The following CEP63 variants were observed in gnomAD, a reference collection of about 807,000 sequenced individuals.
CEP63 encodes centrosomal protein 63, also known as centrosomal protein of 63 kDa.
CEP63 carries 84 observed loss-of-function variants against 89.1 expected under a neutral mutation model. The observed-to-expected ratio is 0.94, with a 90% confidence interval of 0.79 to 1.13. CEP63 has a LOEUF of 1.13. Among genes scored for constraint, CEP63 ranks in the 50% most tolerant of loss-of-function variants. The pLI is 0.00. For missense variants in CEP63, 838 were observed against 813.3 expected, an observed-to-expected ratio of 1.03 and a Z score of -0.37; for synonymous variants, 267 against 272.5, an observed-to-expected ratio of 0.98 and a Z score of 0.20.
At chr3:134,757,801 G>T in the CEP63 span, among the ~76,000 whole-genome samples, 1 of 152,166 alleles carries the variant, frequency 6.6e-6, no homozygotes, top group African/African-American at 2.4e-5. Flanking sequence ...TGGTGCTAAA[G>T]CCATAGGAGT....
chr3:134,705,206 G>T, the CEP63 span, among the ~76,000 whole-genome samples: 254 of 152,308 alleles, frequency 1.7e-3, no homozygotes, highest in African/African-American at 5.9e-3. Flanking sequence ...AGTTCTGTGG[G>T]CTGGGAATTT....
chr3:134,643,550 CTG>C, the CEP63 span, among the ~76,000 whole-genome samples: 1 of 152,216 alleles, frequency 6.6e-6, no homozygotes, highest in Non-Finnish European at 1.5e-5. Flanking sequence ...CAGCACGACA[CTG>C]TGCATGGAGA....
At chr3:134,614,804 C>G in the CEP63 span, among the ~76,000 whole-genome samples, 5 of 152,114 alleles carry the variant, frequency 3.3e-5, no homozygotes, top group Non-Finnish European at 7.4e-5. Context: ...CAAGGCCAGG[C>G]CCCAACAGCT....
the CEP63 span, chr3:134,627,939 G>A: frequency 1.3e-6 from 1 of 758,286 alleles, no homozygotes; most frequent in East Asian, 2.6e-5. Context: ...CCTTTTCACA[G>A]TCTCCTTGTT....
chr3:134,560,061 A>G (rs1382440187), intron 14 of CEP63, among the ~76,000 whole-genome samples: 2 of 152,346 alleles, frequency 1.3e-5, no homozygotes, highest in Middle Eastern at 3.4e-3. Flanking sequence ...TTAATGTGCT[A>G]CCAAGTCCAT....
chr3:134,711,437 G>C, the CEP63 span, among the ~76,000 whole-genome samples: 2 of 152,082 alleles, frequency 1.3e-5, no homozygotes, highest in East Asian at 1.9e-4. Flanking sequence ...ACTTGTGACT[G>C]TCATCCTGTG....
At chr3:134,616,026 G>A in the CEP63 span, among the ~76,000 whole-genome samples, 7 of 152,370 alleles carry the variant, frequency 4.6e-5, no homozygotes, top group East Asian at 1.3e-3. Flanking sequence ...TGATGCTAAA[G>A]CCATGCTAAC....
At chr3:134,629,850 A>G in the CEP63 span, among the ~76,000 whole-genome samples, 2 of 152,350 alleles carry the variant, frequency 1.3e-5, no homozygotes, top group Non-Finnish European at 2.9e-5. Flanking sequence ...CAAAACAACA[A>G]CAAACCAAGC....
Position 134,574,070 on chromosome 3 carries a change from A to G in CEP63, c.1330-723A>G, listed in dbSNP as rs115455101. Among the ~76,000 whole-genome samples the G allele has an allele frequency of 7.6e-3, 1,153 of 152,316 alleles. 17 individuals are homozygous for G. The highest frequency in any genetic ancestry group is 0.026 in the African/African-American group (1,097 of 41,576). ...ATGCAGCCTCGTGGGCTGGCTGCAT[A>G]TGATCAGGGAGAAGCTGGACCACTC... On this transcript the variant is annotated intron_variant, in intron 11 of 11. Transcript: ENST00000354446.
chr3:134,500,902 A>C (rs926032503), intron 2 of CEP63, among the ~76,000 whole-genome samples: 1 of 152,088 alleles, frequency 6.6e-6, no homozygotes, highest in Admixed American at 6.5e-5. Flanking sequence ...TTGAGTCATA[A>C]ATTCTCTGCC....
At chr3:134,619,690 C>G in the CEP63 span, among the ~76,000 whole-genome samples, 4 of 152,254 alleles carry the variant, frequency 2.6e-5, no homozygotes, top group Non-Finnish European at 5.9e-5. Context: ...CTCCCACAGC[C>G]TGTCACTTCA....
the CEP63 span, among the ~76,000 whole-genome samples, chr3:134,741,986 C>A: frequency 7.1e-6 from 1 of 141,408 alleles, no homozygotes; most frequent in Admixed American, 6.9e-5. Flanking sequence ...TCTGAGAGAC[C>A]AGTGTGTGTG....
At position 134,559,408 on chromosome 3, in the gene CEP63, C is replaced by T; in HGVS notation, c.1932C>T (p.Asp644=). ...ACACTATGTCTGAGAGTATGAATGA[C>T]CAAGAAGAGTTTATATCTTCGGTAT... ...FSDTMSESMN[D]QEEFISSCSL... The change falls in exon 14 of 15, where the codon GAC becomes GAT. Residue 644 remains aspartate (D), a synonymous_variant. Transcript: ENST00000675561. 6.2e-7 allele frequency: 1 copy of T among 1,613,578 alleles called. No homozygotes were observed. Among genetic ancestry groups the T allele is most frequent in the Non-Finnish European group, 8.5e-7 (1 of 1,179,584 alleles).
At chr3:134,645,138 G>A in the CEP63 span, among the ~76,000 whole-genome samples, 2 of 152,228 alleles carry the variant, frequency 1.3e-5, no homozygotes, top group African/African-American at 2.4e-5. Flanking sequence ...CTGTCCCTGT[G>A]CTACTAGGCA....
the CEP63 span, among the ~76,000 whole-genome samples, chr3:134,631,402 C>T: frequency 1.8e-4 from 28 of 152,028 alleles, no homozygotes; most frequent in South Asian, 6.2e-4. Flanking sequence ...GTTCTTCAGA[C>T]GGAAGAGAAA....
Position 134,564,721 on chromosome 3 carries a change from C to G in CEP63, c.*3186C>G. On this transcript the variant is annotated 3_prime_UTR_variant, in exon 15 of 15. Coordinates refer to ENST00000675561, the MANE Select transcript of CEP63 (RefSeq NM_001353108.3). ...ACTGTACCTATGTGCATTGCTGTTA[C>G]ATTCAGGAGATTTCTGAGTTTTAGA... 5 of 985,414 alleles carry G rather than the reference C, an allele frequency of 5.1e-6. No homozygotes were observed. The highest frequency in any genetic ancestry group is 6.0e-6 in the Non-Finnish European group (5 of 829,914). 61.0% of individuals were successfully genotyped at this position (985,414 alleles called of 1,614,324 possible). A position where few individuals can be genotyped will look rare whatever the true frequency, so the allele number is the denominator to read the frequency against.
At chr3:134,711,019 C>T in the CEP63 span, among the ~76,000 whole-genome samples, 14 of 152,076 alleles carry the variant, frequency 9.2e-5, no homozygotes, top group Non-Finnish European at 1.9e-4. Context: ...TGTGCCCGGC[C>T]TATCCATTGA....
the CEP63 span, among the ~76,000 whole-genome samples, chr3:134,722,907 C>A: frequency 3.1e-4 from 47 of 152,276 alleles, no homozygotes; most frequent in African/African-American, 1.1e-3. Context: ...TGGATAAAAA[C>A]AGTGGAGCAG....
At chr3:134,676,128 A>G in the CEP63 span, among the ~76,000 whole-genome samples, 283 of 152,358 alleles carry the variant, frequency 1.9e-3, 2 homozygotes, top group Admixed American at 0.014. Context: ...CCTAAAATGT[A>G]TACGTAAATA....
Sources: allele counts gnomAD v4.1 joint callset (sites outside exome capture counted in the v4.1 genomes callset), GRCh38; gene constraint gnomAD v4.1.1; transcripts MANE v1.5; gene names NCBI Gene and HGNC (gene_info 2026-07-23, HGNC 2026-07-21).